The following PDE10A variants were observed in gnomAD, a reference collection of about 807,000 sequenced individuals.
PDE10A encodes cAMP and cAMP-inhibited cGMP 3',5'-cyclic phosphodiesterase 10A.
PDE10A carries 39 observed loss-of-function variants against 97.7 expected under a neutral mutation model. The observed-to-expected ratio is 0.40, with a 90% CI of 0.31 to 0.52. The LOEUF (loss-of-function observed/expected upper bound fraction) is 0.52, where lower values mean the gene tolerates loss of function less well. PDE10A is among the 20% of genes least tolerant of loss of function. The pLI is 0.56. For missense variants in PDE10A, 731 were observed against 1,047.8 expected, an observed-to-expected ratio of 0.70 and a Z score of 4.17; for synonymous variants, 371 against 376.8, an observed-to-expected ratio of 0.98 and a Z score of 0.18.
intron 3 of PDE10A, among the ~76,000 whole-genome samples, chr6:165,476,476 G>T (rs1442229374): frequency 1.3e-5 from 2 of 152,162 alleles, no homozygotes; most frequent in Non-Finnish European, 2.9e-5. Flanking sequence ...GAATAAATCT[G>T]AGAGGTTCTA....
intron 3 of PDE10A, among the ~76,000 whole-genome samples, chr6:165,451,582 C>A (rs1162073990): frequency 6.6e-6 from 1 of 152,182 alleles, no homozygotes; most frequent in Non-Finnish European, 1.5e-5. Flanking sequence ...ACTGTCACAA[C>A]CCTGGCCATC....
intron 1 of PDE10A, among the ~76,000 whole-genome samples, chr6:165,855,593 A>G (rs1344266250): frequency 2.1e-5 from 2 of 94,124 alleles, no homozygotes; most frequent in Non-Finnish European, 5.7e-5. Context: ...CTCATGAAAG[A>G]GGAACAGAAA....
At chr6:165,717,392 C>T (rs1417757070) in intron 1 of PDE10A, among the ~76,000 whole-genome samples, 1 of 152,132 alleles carries the variant, frequency 6.6e-6, no homozygotes, top group Non-Finnish European at 1.5e-5. Context: ...GAGTTTGAGA[C>T]CAGCCTGACC....
intron 1 of PDE10A, among the ~76,000 whole-genome samples, chr6:165,829,448 G>A (rs576799064): frequency 6.6e-6 from 1 of 152,340 alleles, no homozygotes; most frequent in African/African-American, 2.4e-5. Context: ...AACCTTAATT[G>A]GTTCCAGCAG....
chr6:165,608,147 A>T (rs1048973992), intron 1 of PDE10A, among the ~76,000 whole-genome samples: 2 of 150,678 alleles, frequency 1.3e-5, no homozygotes, highest in African/African-American at 4.9e-5. Flanking sequence ...GTTCTAGGGT[A>T]CATGTGCACA....
chr6:165,678,730 G>A (rs1312406987), intron 1 of PDE10A, among the ~76,000 whole-genome samples: 3 of 151,928 alleles, frequency 2.0e-5, no homozygotes, highest in Non-Finnish European at 4.4e-5. Flanking sequence ...TTCTCTCTTT[G>A]TACTAACAAG....
At chr6:165,790,750 G>T (rs1778624094) in intron 1 of PDE10A, among the ~76,000 whole-genome samples, 2 of 152,104 alleles carry the variant, frequency 1.3e-5, no homozygotes, top group South Asian at 4.2e-4. Flanking sequence ...GTCACGTGGG[G>T]TCATTCTTGG....
chr6:165,849,464 G>GC (rs35627994), intron 1 of PDE10A, among the ~76,000 whole-genome samples: 5,042 of 152,312 alleles, frequency 0.033, 102 homozygotes, highest in Non-Finnish European at 0.048. Flanking sequence ...TGGGGCATCC[G>GC]CCCCTTGGGA....
At chr6:165,816,555 C>T (rs1481615840) in intron 1 of PDE10A, among the ~76,000 whole-genome samples, 1 of 152,204 alleles carries the variant, frequency 6.6e-6, no homozygotes. Context: ...GGCCTTGCTT[C>T]AGTTTTCTTA....
chr6:165,760,799 G>A (rs368876268), intron 1 of PDE10A, among the ~76,000 whole-genome samples: 1 of 152,152 alleles, frequency 6.6e-6, no homozygotes, highest in Non-Finnish European at 1.5e-5. Flanking sequence ...CTTGTCCCAG[G>A]CCCCACAGCT....
Position 165,567,993 on chromosome 6 carries a change from C to CCTTTTTTTTTTTTTTTTTTTT in PDE10A, c.866-24426_866-24425insAAAAAAAAAAAAAAAAAAAAG, listed in dbSNP as rs370865492. 1.7e-5 allele frequency among the ~76,000 whole-genome samples: 2 copies of CCTTTTTTTTTTTTTTTTTTTT among 115,602 alleles called. 1 individual carries two copies. The allele number at this position is 115,602 out of a possible 152,430, so 75.8% of individuals were successfully genotyped here. On this transcript the variant is annotated intron_variant, in intron 1 of 21. Coordinates refer to ENST00000539869, the MANE Select transcript of PDE10A (RefSeq NM_001385079.1). ...AGCACACAATAGGTACGCAACAAGGCATTTTTTTTTTTTTTTTTTTTTTGA... is the reference window on the plus strand; with the variant it reads ...AGCACACAATAGGTACGCAACAAGGCCTTTTTTTTTTTTTTTTTTTTATTTTTTTTTTTTTTTTTTTTTTGA...
chr6:165,718,008 T>G (rs563686577), intron 1 of PDE10A, among the ~76,000 whole-genome samples: 1 of 152,376 alleles, frequency 6.6e-6, no homozygotes, highest in East Asian at 1.9e-4. Context: ...CCTTATCAGT[T>G]ATATGACTCA....
intron 1 of PDE10A, among the ~76,000 whole-genome samples, chr6:165,787,012 A>G (rs1778515264): frequency 6.6e-6 from 1 of 152,186 alleles, no homozygotes; most frequent in Non-Finnish European, 1.5e-5. Flanking sequence ...AATTAAATAT[A>G]TTCTTTAGCG....
chr6:165,425,542 G>A (rs1789060955), intron 10 of PDE10A, among the ~76,000 whole-genome samples: 1 of 152,030 alleles, frequency 6.6e-6, no homozygotes, highest in African/African-American at 2.4e-5. Flanking sequence ...TCCTCAACCT[G>A]ATAAAGGCCC....
At chr6:165,986,523 C>CTCTG (rs1246141018) in intron 1 of PDE10A, 2 of 149,710 alleles carry the variant, frequency 1.3e-5, no homozygotes, top group Admixed American at 1.4e-4. Context: ...GTCTCTCTCT[C>CTCTG]TCTCTCTCTC....
At chr6:165,620,146 A>G (rs1333584501) in intron 1 of PDE10A, among the ~76,000 whole-genome samples, 4 of 152,152 alleles carry the variant, frequency 2.6e-5, no homozygotes. Flanking sequence ...TTTAGCTAAT[A>G]AAGAAAAACT....
At chr6:165,901,569 G>C (rs1264756910) in intron 1 of PDE10A, among the ~76,000 whole-genome samples, 2 of 152,164 alleles carry the variant, frequency 1.3e-5, no homozygotes, top group South Asian at 2.1e-4. Context: ...TTGGGAAGCC[G>C]AGGCGGGCGG....
intron 1 of PDE10A, among the ~76,000 whole-genome samples, chr6:165,737,944 G>C (rs376543732): frequency 1.2e-4 from 18 of 152,260 alleles, no homozygotes; most frequent in African/African-American, 4.3e-4. Context: ...CTAATAAACA[G>C]CTTCAGTAAA....
chr6:165,964,721 G>A (rs1433922045), intron 1 of PDE10A, among the ~76,000 whole-genome samples: 4 of 152,170 alleles, frequency 2.6e-5, no homozygotes, highest in African/African-American at 9.7e-5. Context: ...CATAATTACT[G>A]GAGAGATGTG....
Sources: gnomAD v4.1 joint callset for allele counts (sites outside exome capture counted in the v4.1 genomes callset) on GRCh38, gnomAD v4.1.1 for gene constraint, MANE v1.5 for transcripts, NCBI Gene and HGNC (gene_info 2026-07-23, HGNC 2026-07-21) for gene names.